The following GALNT12 variants were observed in gnomAD, a reference collection of about 807,000 sequenced individuals.
GALNT12 encodes the protein polypeptide N-acetylgalactosaminyltransferase 12.
GALNT12 carries 45 observed loss-of-function variants against 55.5 expected under a neutral mutation model. The ratio of observed to expected loss-of-function variants is 0.81; its 90% CI spans 0.64 to 1.04. The LOEUF (loss-of-function observed/expected upper bound fraction) is 1.04, where lower values mean the gene tolerates loss of function less well. Among genes scored for constraint, GALNT12 ranks in the 50% least tolerant of loss-of-function variants. The pLI is 0.00. For synonymous variants in GALNT12, 304 were observed against 312.2 expected (o/e 0.97, Z 0.28); for missense variants, 709 against 754.8 (o/e 0.94, Z 0.71).
chr9:98,839,903 A>G lies in GALNT12; in HGVS notation c.1213-99A>G, dbSNP rs190602513. 30 of 1,488,724 alleles carry G rather than the reference A, an allele frequency of 2.0e-5. No individual in the cohort carries two copies. The East Asian group carries it at 5.4e-4, about 27-fold the overall frequency. 92.2% of individuals were successfully genotyped at this position (1,488,724 alleles called of 1,614,324 possible). A position where few individuals can be genotyped will look rare whatever the true frequency, so the allele number is the denominator to read the frequency against. ...CTGGCATGCGACGAATGCTCCATCA[A>G]AGCTGGCTGGTGGTTAGTAAGTGAG... On this transcript the variant is annotated intron_variant, in intron 6 of 9. Transcript: ENST00000375011.
In GALNT12 at chr9:98,836,990, G is replaced by T; in HGVS notation, c.1054G>T (p.Val352Phe). 6.2e-7 allele frequency: 1 copy of T among 1,614,048 alleles called. No homozygotes were observed. Among genetic ancestry groups the T allele is most frequent in the Non-Finnish European group, 8.5e-7 (1 of 1,180,026 alleles). ...FSFRIWQCGG[V>F]LETHPCSHVG... Reference sequence around the variant, plus strand: ...TGTGCAGATCTGGCAGTGTGGTGGGGTTCTGGAAACACACCCATGTTCCCA... The same window carrying T: ...TGTGCAGATCTGGCAGTGTGGTGGGTTTCTGGAAACACACCCATGTTCCCA... The change falls in exon 6 of 10, where the codon GTT (valine) becomes TTT (phenylalanine). Residue 352 changes from valine (V) to phenylalanine (F), a missense_variant. By Grantham distance (50) the Val-to-Phe change is conservative. Transcript: ENST00000375011.
chr9:98,829,258 G>A (rs778733899), intron 3 of GALNT12, among the ~76,000 whole-genome samples: 5 of 151,506 alleles, frequency 3.3e-5, no homozygotes, highest in Non-Finnish European at 7.4e-5. Flanking sequence ...GGGTGATCTC[G>A]GCTCACTGCA....
intron 7 of GALNT12, among the ~76,000 whole-genome samples, chr9:98,843,262 ATAAT>A (rs1406812450): frequency 1.3e-5 from 2 of 152,246 alleles, no homozygotes; most frequent in Non-Finnish European, 2.9e-5. Context: ...TAGTTTCAAG[ATAAT>A]TAATACAGTA....
chr9:98,829,076 A>C (rs1169816384), intron 3 of GALNT12, among the ~76,000 whole-genome samples: 2 of 151,330 alleles, frequency 1.3e-5, no homozygotes, highest in Non-Finnish European at 1.5e-5. Context: ...TGATCCACCC[A>C]CCTCAGCCTC....
chr9:98,815,906 A>G (rs925388677), intron 1 of GALNT12, among the ~76,000 whole-genome samples: 1 of 152,204 alleles, frequency 6.6e-6, no homozygotes, highest in African/African-American at 2.4e-5. Flanking sequence ...TTGATTTAAC[A>G]TTATAGTGTG....
In GALNT12 at chr9:98,808,113, G is replaced by T. The variant is rs757161212; in HGVS notation, c.371+44G>T. On this transcript the variant is annotated intron_variant, in intron 1 of 9. Coordinates refer to ENST00000375011, the MANE Select transcript of GALNT12 (RefSeq NM_024642.5). ...GGAGGAAGCCCGCCCTCAGAGCCCC[G>T]GGCCTCAGTTTCTCCATCAGAGCAG... 5.0e-5 allele frequency: 75 copies of T among 1,489,554 alleles called. 1 individual carries two copies. The South Asian group carries it at 7.6e-4, about 15-fold the overall frequency. The allele number at this position is 1,489,554 out of a possible 1,614,324, so 92.3% of individuals were successfully genotyped here.
chr9:98,835,226 A>G (rs1451495974), intron 4 of GALNT12, 23 bp from the exon 5 acceptor site: 1 of 1,498,064 alleles, frequency 6.7e-7, no homozygotes, highest in Non-Finnish European at 9.3e-7. Context: ...CTACAGTGAA[A>G]TAAGGATATC....
intron 1 of GALNT12, among the ~76,000 whole-genome samples, chr9:98,819,637 C>A (rs1835693460): frequency 6.6e-6 from 1 of 152,088 alleles, no homozygotes. Context: ...TAGAGGCTGT[C>A]CTGGCATTAG....
intron 1 of GALNT12, among the ~76,000 whole-genome samples, chr9:98,815,526 G>A (rs1473783405): frequency 6.6e-6 from 1 of 152,148 alleles, no homozygotes; most frequent in African/African-American, 2.4e-5. Flanking sequence ...TCATAAAACA[G>A]AATGCCTTTA....
chr9:98,820,007 T>TCCC (rs781421067), intron 1 of GALNT12, among the ~76,000 whole-genome samples: 6 of 152,236 alleles, frequency 3.9e-5, no homozygotes, highest in Non-Finnish European at 8.8e-5. Flanking sequence ...CACATTTTTT[T>TCCC]CCCACATTTC....
chr9:98,826,844 CGGCTGCTGGGGGCGTCTGCGGCGA>C lies in GALNT12; in HGVS notation c.637_660del (p.Leu213_Arg220del). On this transcript the variant is annotated inframe_deletion, in exon 3 of 10. Coordinates refer to ENST00000375011, the MANE Select transcript of GALNT12 (RefSeq NM_024642.5). ...CAAGAGAGAGGGCCTGGTGCGAGCC[CGGCTGCTGGGGGCGTCTGCGGCGA>C]GGGGCGATGTTCTGACCTTCCTGGA... 1 of 1,609,838 alleles carries C rather than the reference CGGCTGCTGGGGGCGTCTGCGGCGA, an allele frequency of 6.2e-7. No homozygotes were observed. Among genetic ancestry groups the C allele is most frequent in the Non-Finnish European group, 8.5e-7 (1 of 1,178,540 alleles).
At chr9:98,832,447 A>G (rs1836023375) in intron 4 of GALNT12, among the ~76,000 whole-genome samples, 1 of 152,200 alleles carries the variant, frequency 6.6e-6, no homozygotes, top group Non-Finnish European at 1.5e-5. Flanking sequence ...TGAGTCAAGG[A>G]GTTCAAGGCT....
chr9:98,830,985 C>T (rs1398799313), intron 3 of GALNT12, among the ~76,000 whole-genome samples: 3 of 152,174 alleles, frequency 2.0e-5, no homozygotes, highest in South Asian at 2.1e-4. Flanking sequence ...CTAGTGTTCA[C>T]ACGTGGTCTA....
chr9:98,827,376 T>C (rs1835882621), intron 3 of GALNT12, among the ~76,000 whole-genome samples: 1 of 152,070 alleles, frequency 6.6e-6, no homozygotes, highest in South Asian at 2.1e-4. Flanking sequence ...AATTTTATAT[T>C]TTTTTGTAGA....
chr9:98,831,697 C>T (rs1281015876), intron 3 of GALNT12, 75 bp from the exon 4 acceptor site: 4 of 1,501,496 alleles, frequency 2.7e-6, no homozygotes, highest in Admixed American at 1.7e-5. Flanking sequence ...CAAGAATTCA[C>T]CCTTGAATTT....
At chr9:98,821,426 C>T (rs1430236195) in intron 1 of GALNT12, among the ~76,000 whole-genome samples, 1 of 151,786 alleles carries the variant, frequency 6.6e-6, no homozygotes, top group Non-Finnish European at 1.5e-5. Flanking sequence ...TTGAGACCAT[C>T]CTGGCTAACA....
intron 5 of GALNT12, 101 bp from the exon 6 acceptor site, chr9:98,836,870 TC>T (rs1836161150): frequency 8.2e-7 from 1 of 1,220,690 alleles, no homozygotes; most frequent in Admixed American, 1.7e-5. Context: ...CTTGGCAGTG[TC>T]CATCATGCCT....
chr9:98,822,293 T>G (rs528666413), intron 1 of GALNT12, among the ~76,000 whole-genome samples: 1 of 152,354 alleles, frequency 6.6e-6, no homozygotes, highest in South Asian at 2.1e-4. Flanking sequence ...CTCTCCCACC[T>G]TCCCATCAGC....
intron 1 of GALNT12, among the ~76,000 whole-genome samples, chr9:98,821,396 C>T (rs534950971): frequency 9.9e-5 from 15 of 151,788 alleles, no homozygotes; most frequent in Middle Eastern, 3.4e-3. Flanking sequence ...CCGAGGTGGG[C>T]GGATCACAAG....
Sources: allele counts gnomAD v4.1 joint callset (sites outside exome capture counted in the v4.1 genomes callset), GRCh38; gene constraint gnomAD v4.1.1; transcripts MANE v1.5; gene names NCBI Gene and HGNC (gene_info 2026-07-23, HGNC 2026-07-21).